DHTKD1: variants seen among roughly 807,000 people sequenced by gnomAD.
DHTKD1 encodes the protein dehydrogenase E1 and transketolase domain containing 1, also known as 2-oxoadipate dehydrogenase complex component E1.
In DHTKD1, 78 loss-of-function variants were observed where a neutral mutation model predicts 101.8. That is an observed-to-expected ratio of 0.77 (90% CI 0.64 to 0.93). The LOEUF is 0.93. DHTKD1 is among the 40% of genes least tolerant of loss of function. The pLI, the probability that DHTKD1 is intolerant of heterozygous loss-of-function variation, is 0.00. For synonymous variants in DHTKD1, 462 were observed against 450.3 expected (o/e 1.03, Z -0.33); for missense variants, 1,223 against 1,161.7 (o/e 1.05, Z -0.77).
rs762228530 is a variant in DHTKD1, at chr10:12,118,935, A to T, written c.2572+17A>T. 2.7e-6 allele frequency: 4 copies of T among 1,493,308 alleles called. No homozygotes were observed. Among genetic ancestry groups the T allele is most frequent in the Admixed American group, 4.5e-5 (2 of 44,138 alleles). 92.5% of individuals were successfully genotyped at this position (1,493,308 alleles called of 1,614,324 possible). On this transcript the variant is annotated intron_variant, in intron 15 of 16. Coordinates refer to ENST00000263035, the MANE Select transcript of DHTKD1 (RefSeq NM_018706.7). ...ATGTTAAAGGTAAGAGGTTGTTCTC[A>T]TTTGGGTTTTGATGTTCAGATACCC...
chr10:12,119,484 C>T (rs1333998794), intron 15 of DHTKD1, among the ~76,000 whole-genome samples: 43 of 150,848 alleles, frequency 2.9e-4, no homozygotes, highest in Admixed American at 9.9e-4. Flanking sequence ...GGCGTGGTGG[C>T]GGGCGCCTGT....
intron 7 of DHTKD1, among the ~76,000 whole-genome samples, chr10:12,096,596 C>T (rs958878100): frequency 2.6e-5 from 4 of 152,192 alleles, no homozygotes; most frequent in Non-Finnish European, 2.9e-5. Flanking sequence ...GCCATCTGCC[C>T]GTCTCGGCCT....
At chr10:12,080,976 A>G (rs570003874) in intron 1 of DHTKD1, among the ~76,000 whole-genome samples, 2 of 151,148 alleles carry the variant, frequency 1.3e-5, no homozygotes, top group East Asian at 3.9e-4. Context: ...CTGAGGCAGG[A>G]GGATCACTTG....
intron 10 of DHTKD1, 106 bp downstream of exon 10, chr10:12,101,287 T>G: frequency 7.6e-7 from 1 of 1,319,476 alleles, no homozygotes; most frequent in Non-Finnish European, 1.0e-6. Context: ...GTTCAGTACT[T>G]TTGGAAGTAA....
intron 12 of DHTKD1, among the ~76,000 whole-genome samples, 163 bp downstream of exon 12, chr10:12,108,178 A>G (rs1169713792): frequency 6.6e-6 from 1 of 152,230 alleles, no homozygotes. Context: ...GTAATGCCTC[A>G]GGTATAATTG....
chr10:12,081,719 G>GC, intron 2 of DHTKD1, 92 bp downstream of exon 2: 1 of 1,469,606 alleles, frequency 6.8e-7, no homozygotes, highest in Non-Finnish European at 9.4e-7. Flanking sequence ...CCCCACTGGA[G>GC]CTGAGGCTCC....
chr10:12,085,320 G>T (rs933996291), intron 3 of DHTKD1, among the ~76,000 whole-genome samples: 1 of 151,750 alleles, frequency 6.6e-6, no homozygotes, highest in African/African-American at 2.4e-5. Flanking sequence ...AAAAAAAAAA[G>T]ATATATAACT....
At chr10:12,075,485 C>T (rs982228632) in intron 1 of DHTKD1, among the ~76,000 whole-genome samples, 1 of 152,096 alleles carries the variant, frequency 6.6e-6, no homozygotes, top group African/African-American at 2.4e-5. Flanking sequence ...TGTGATCCGT[C>T]CGCCTCGGTC....
Position 12,107,673 on chromosome 10 carries a change from C to T in DHTKD1, c.2048-236C>T, listed in dbSNP as rs1833270827. Among the ~76,000 whole-genome samples the T allele has an allele frequency of 6.6e-6, 1 of 152,100 alleles. No homozygotes were observed. The highest frequency in any genetic ancestry group is 6.6e-5 in the Admixed American group (1 of 15,264). On this transcript the variant is annotated intron_variant, in intron 11 of 16. Coordinates refer to ENST00000263035, the MANE Select transcript of DHTKD1 (RefSeq NM_018706.7). The surrounding 1 kb of genome is among the most constrained non-coding windows in gnomAD (Gnocchi z 4.1). ...CCTCAAGTGATCTATCCGCCTCAGC[C>T]TCCCAAAGTGCTGGGATTACAGGTG...
chr10:12,116,855 A>G lies in DHTKD1; in HGVS notation c.2320-818A>G, dbSNP rs975610730. Among the ~76,000 whole-genome samples the G allele has an allele frequency of 8.6e-5, 13 of 151,422 alleles. 1 individual carries two copies. Among genetic ancestry groups the G allele is most frequent in the Admixed American group, 4.0e-4 (6 of 15,160 alleles). ...GCTGGGACTACAGGCATGCGCTACC[A>G]CACCTGGCCAATTTTTGTATTTTTT... is the stretch of plus-strand genomic sequence containing the variant. On this transcript the variant is annotated intron_variant, in intron 13 of 16. Coordinates refer to ENST00000263035, the MANE Select transcript of DHTKD1 (RefSeq NM_018706.7).
At chr10:12,074,516 C>T (rs939825925) in intron 1 of DHTKD1, among the ~76,000 whole-genome samples, 3 of 151,808 alleles carry the variant, frequency 2.0e-5, no homozygotes, top group East Asian at 2.0e-4. Flanking sequence ...CCACCATGCC[C>T]GGCTAATTTT....
At chr10:12,095,810 C>T (rs554316687) in intron 7 of DHTKD1, among the ~76,000 whole-genome samples, 1 of 7,486 alleles carries the variant, frequency 1.3e-4, no homozygotes, top group African/African-American at 2.5e-4. Context: ...GAGACTCCGT[C>T]TCAAAAAAAA....
chr10:12,079,286 A>G (rs1384934505), intron 1 of DHTKD1, among the ~76,000 whole-genome samples: 2 of 152,260 alleles, frequency 1.3e-5, no homozygotes, highest in East Asian at 1.9e-4. Flanking sequence ...AAGTCCCTCA[A>G]AAGTGACTGA....
rs757746095 is a variant in DHTKD1, at chr10:12,089,079, C to G, written c.811C>G (p.Leu271Val). The G allele has an allele frequency of 6.2e-7, 1 of 1,614,162 alleles. No homozygotes were observed. Among genetic ancestry groups the G allele is most frequent in the South Asian group, 1.1e-5 (1 of 91,088 alleles). ...GTCTCACCTGACCTCCTCTGTGGAC[C>G]TGTACTTTGGGGCGCACCATCCCCT... The part of the protein sequence containing the change: ...VLSHLTSSVD[L>V]YFGAHHPLHV... Residue 271 changes from leucine to valine, a missense_variant, in exon 5 of 17, where the codon CTG becomes GTG. Coordinates refer to ENST00000263035, the MANE Select transcript of DHTKD1 (RefSeq NM_018706.7).
chr10:12,084,789 G>T (rs1438294170), intron 3 of DHTKD1, 38 bp downstream of exon 3: 1 of 1,592,892 alleles, frequency 6.3e-7, no homozygotes, highest in Non-Finnish European at 8.6e-7. Context: ...GGTGGCTCAT[G>T]CCTGTAATCC....
chr10:12,078,331 G>A (rs1384486564), intron 1 of DHTKD1, among the ~76,000 whole-genome samples: 3 of 152,006 alleles, frequency 2.0e-5, no homozygotes, highest in African/African-American at 7.2e-5. Flanking sequence ...AGACTGAGAT[G>A]GGAGAATTGC....
intron 1 of DHTKD1, among the ~76,000 whole-genome samples, chr10:12,079,566 G>C (rs369015925): frequency 6.6e-6 from 1 of 152,096 alleles, no homozygotes; most frequent in East Asian, 1.9e-4. Flanking sequence ...TACTCAGGAG[G>C]CTGAGGCAGG....
intron 7 of DHTKD1, among the ~76,000 whole-genome samples, chr10:12,095,114 A>G (rs1298724331): frequency 1.3e-5 from 2 of 152,160 alleles, no homozygotes; most frequent in African/African-American, 4.8e-5. Context: ...TCTACAAACC[A>G]TAGCTGCAGA....
chr10:12,096,710 G>A (rs1833076073), intron 7 of DHTKD1, among the ~76,000 whole-genome samples: 1 of 152,204 alleles, frequency 6.6e-6, no homozygotes, highest in African/African-American at 2.4e-5. Context: ...GATTAAATAT[G>A]ATAATATATG....
Sources: allele counts gnomAD v4.1 joint callset (sites outside exome capture counted in the v4.1 genomes callset), GRCh38; gene constraint gnomAD v4.1.1; non-coding constraint Gnocchi (gnomAD v3.1); transcripts MANE v1.5; gene names NCBI Gene and HGNC (gene_info 2026-07-23, HGNC 2026-07-21).